The following ST6GAL1 variants were observed in gnomAD, a reference collection of about 807,000 sequenced individuals.
ST6GAL1 encodes the protein beta-galactoside alpha-2,6-sialyltransferase 1.
ST6GAL1 carries 20 observed loss-of-function variants against 38.0 expected under a neutral mutation model. The observed-to-expected ratio is 0.53, with a 90% CI of 0.37 to 0.77. The LOEUF is 0.77. Among genes scored for constraint, ST6GAL1 ranks in the 30% least tolerant of loss-of-function variants. The probability of loss-of-function intolerance (pLI) is 0.00; values close to 1 mark genes in which losing one functional copy is unlikely to be tolerated. For synonymous variants in ST6GAL1, 196 were observed against 188.2 expected, an observed-to-expected ratio of 1.04 and a Z score of -0.34; for missense variants, 432 against 496.4, an observed-to-expected ratio of 0.87 and a Z score of 1.23.
chr3:187,015,547 T>G (rs922070900), intron 2 of ST6GAL1, among the ~76,000 whole-genome samples: 1 of 151,958 alleles, frequency 6.6e-6, no homozygotes, highest in Non-Finnish European at 1.5e-5. Flanking sequence ...GCATTAAGAG[T>G]GCAGTCTTTC....
rs1719546376 is a variant in ST6GAL1, at chr3:187,075,937, G to A, written c.*134G>A. ...TAGGGGCCTCTGTCAGCAAGACCAT[G>A]GGGACTTCAAGAGCCTGTGGTCAGG... is the stretch of plus-strand genomic sequence containing the variant. On this transcript the variant is annotated 3_prime_UTR_variant, in exon 8 of 8. Coordinates refer to ENST00000169298, the MANE Select transcript of ST6GAL1 (RefSeq NM_173216.2). The surrounding 1 kb of genome is among the most constrained non-coding windows in gnomAD (Gnocchi z 4.1). The A allele has an allele frequency of 2.2e-6, 3 of 1,385,228 alleles. No homozygotes were observed. The highest frequency in any genetic ancestry group is 2.9e-6 in the Non-Finnish European group (3 of 1,037,980). The allele number at this position is 1,385,228 out of a possible 1,614,324, so 85.8% of individuals were successfully genotyped here.
At chr3:187,050,185 G>A (rs1227391463) in intron 4 of ST6GAL1, among the ~76,000 whole-genome samples, 1 of 152,182 alleles carries the variant, frequency 6.6e-6, no homozygotes, top group Non-Finnish European at 1.5e-5. Context: ...CCCAAATCCT[G>A]TGTGGATAAA....
chr3:187,059,453 G>T (rs951482337), intron 5 of ST6GAL1, among the ~76,000 whole-genome samples: 1 of 152,178 alleles, frequency 6.6e-6, no homozygotes, highest in African/African-American at 2.4e-5. Flanking sequence ...TATATAAGAT[G>T]CTACCTAAAT....
Position 186,939,259 on chromosome 3 carries a change from T to C in ST6GAL1, c.-325+8425T>C, listed in dbSNP as rs1022262723. On this transcript the variant is annotated intron_variant, in intron 1 of 7. Coordinates refer to ENST00000169298, the MANE Select transcript of ST6GAL1 (RefSeq NM_173216.2). ...CAGTTAATTTTATTTATTTTTTTTGTAGAGATGGGTGTCTCACCGTGTTGC... is the reference window on the plus strand; with the variant it reads ...CAGTTAATTTTATTTATTTTTTTTGCAGAGATGGGTGTCTCACCGTGTTGC... 3.3e-5 allele frequency among the ~76,000 whole-genome samples: 5 copies of C among 151,998 alleles called. No individual in the cohort carries two copies. In the South Asian group the frequency reaches 6.3e-4, roughly 19 times the overall value.
chr3:186,947,799 G>A (rs7633200), intron 1 of ST6GAL1, among the ~76,000 whole-genome samples: 5,032 of 152,230 alleles, frequency 0.033, 270 homozygotes, highest in African/African-American at 0.11. Context: ...GATCATAGAC[G>A]TTAAGGATGA....
intron 1 of ST6GAL1, among the ~76,000 whole-genome samples, chr3:186,951,477 C>A (rs559865937): frequency 2.0e-4 from 31 of 152,276 alleles, no homozygotes; most frequent in African/African-American, 7.5e-4. Flanking sequence ...AATTATAACA[C>A]GTATTGCTGC....
At chr3:187,062,842 A>T (rs1026185102) in intron 5 of ST6GAL1, among the ~76,000 whole-genome samples, 44 of 152,196 alleles carry the variant, frequency 2.9e-4, no homozygotes, top group African/African-American at 1.0e-3. Context: ...TTAAATTGGA[A>T]AAAATGTCAG....
chr3:186,960,171 C>T (rs1197116446), intron 1 of ST6GAL1, among the ~76,000 whole-genome samples: 1 of 152,222 alleles, frequency 6.6e-6, no homozygotes, highest in Non-Finnish European at 1.5e-5. Context: ...GAAGGAAACA[C>T]TTGCTGGAGG....
chr3:186,999,698 C>T (rs1716550614), intron 2 of ST6GAL1, among the ~76,000 whole-genome samples: 2 of 152,090 alleles, frequency 1.3e-5, no homozygotes, highest in African/African-American at 2.4e-5. Flanking sequence ...CATGAGCCAC[C>T]GTGTCCAGCC....
Position 187,052,432 on chromosome 3 carries a change from T to G in ST6GAL1, c.705+1086T>G, listed in dbSNP as rs190711924. On this transcript the variant is annotated intron_variant, in intron 5 of 7. Coordinates refer to ENST00000169298, the MANE Select transcript of ST6GAL1 (RefSeq NM_173216.2). ...CATTTACATTAGGTATTTCTCCTAA[T>G]GCTATCCCTCCCCTTGCCCCCAACC... Among the ~76,000 whole-genome samples, 141 of 152,344 alleles carry G rather than the reference T, an allele frequency of 9.3e-4. No individual in the cohort carries two copies. In the Middle Eastern group the frequency reaches 0.02, roughly 22 times the overall value.
chr3:186,993,865 G>A (rs1036657582), intron 2 of ST6GAL1, among the ~76,000 whole-genome samples: 2 of 152,028 alleles, frequency 1.3e-5, no homozygotes, highest in East Asian at 1.9e-4. Flanking sequence ...AGCACATTAC[G>A]TTATGTAAGC....
At chr3:187,029,057 C>T (rs1007464604) in intron 2 of ST6GAL1, among the ~76,000 whole-genome samples, 2 of 130,420 alleles carry the variant, frequency 1.5e-5, no homozygotes, top group Non-Finnish European at 3.2e-5. Context: ...CTGTGTACTC[C>T]AGCCTGGGTG....
At chr3:186,992,322 C>T (rs1350242117) in intron 2 of ST6GAL1, among the ~76,000 whole-genome samples, 1 of 152,066 alleles carries the variant, frequency 6.6e-6, no homozygotes, top group East Asian at 1.9e-4. Flanking sequence ...AGGAAGGTGC[C>T]TTGCTTCCCC....
intron 5 of ST6GAL1, among the ~76,000 whole-genome samples, chr3:187,058,174 G>A (rs941330588): frequency 6.6e-6 from 1 of 152,162 alleles, no homozygotes; most frequent in Non-Finnish European, 1.5e-5. Context: ...GGGCGGGAGT[G>A]TCCCATTTTT....
rs562837865 is a variant in ST6GAL1, at chr3:186,940,221, T to G, written c.-325+9387T>G. Among the ~76,000 whole-genome samples the G allele has an allele frequency of 3.3e-5, 5 of 152,272 alleles. No individual in the cohort carries two copies. In the South Asian group the frequency reaches 6.2e-4, roughly 19 times the overall value. ...AGCCCTGTGCAGCCCCTTCCAGCTC[T>G]GAGATTATCAAATGAAACATACATG... On this transcript the variant is annotated intron_variant, in intron 1 of 7. Transcript: ENST00000169298.
intron 2 of ST6GAL1, among the ~76,000 whole-genome samples, chr3:187,028,701 G>A (rs929518027): frequency 2.0e-5 from 3 of 152,228 alleles, no homozygotes; most frequent in South Asian, 2.1e-4. Context: ...CAAGGTGTAC[G>A]TATTACATAT....
At chr3:186,931,096 A>G (rs1713729146) in intron 1 of ST6GAL1, 1 of 152,050 alleles carries the variant, frequency 6.6e-6, no homozygotes, top group Non-Finnish European at 1.5e-5. Context: ...CAACAAACCC[A>G]CGTGCGCACA....
At chr3:187,056,941 G>A (rs9825352) in intron 5 of ST6GAL1, among the ~76,000 whole-genome samples, 111,895 of 152,110 alleles carry the variant, frequency 0.74, 41,260 homozygotes, top group East Asian at 0.84. Flanking sequence ...AGGTACACCA[G>A]TGAAACGTAG....
At chr3:187,039,566 G>A (rs1718058290) in intron 3 of ST6GAL1, among the ~76,000 whole-genome samples, 1 of 152,164 alleles carries the variant, frequency 6.6e-6, no homozygotes, top group South Asian at 2.1e-4. Flanking sequence ...GCAGGCACAT[G>A]GACAAGGAGA....
Sources: allele counts gnomAD v4.1 joint callset (sites outside exome capture counted in the v4.1 genomes callset), GRCh38; gene constraint gnomAD v4.1.1; non-coding constraint Gnocchi (gnomAD v3.1); transcripts MANE v1.5; gene names NCBI Gene and HGNC (gene_info 2026-07-23, HGNC 2026-07-21).